Variants in SYNPR observed in about 807,000 individuals in gnomAD.
The protein encoded by SYNPR is synaptoporin.
A neutral mutation model predicts 32.9 loss-of-function variants in SYNPR; 23 were observed. That is an observed-to-expected ratio of 0.70 (90% CI 0.50 to 0.99). The LOEUF (loss-of-function observed/expected upper bound fraction) is 0.99, where lower values mean the gene tolerates loss of function less well. Among genes scored for constraint, SYNPR ranks in the 50% least tolerant of loss-of-function variants. The probability of loss-of-function intolerance (pLI) is 0.00; values close to 1 mark genes in which losing one functional copy is unlikely to be tolerated. For synonymous variants in SYNPR, 146 were observed against 135.9 expected (o/e 1.07, Z -0.52); for missense variants, 318 against 349.3 (o/e 0.91, Z 0.71).
intron 2 of SYNPR, among the ~76,000 whole-genome samples, chr3:63,323,943 C>T (rs1404337179): frequency 6.6e-6 from 1 of 151,972 alleles, no homozygotes; most frequent in East Asian, 1.9e-4. Flanking sequence ...AATAACTTGC[C>T]CAACTTGCAC....
chr3:63,596,617 G>A (rs1699963734), intron 4 of SYNPR, among the ~76,000 whole-genome samples: 1 of 152,092 alleles, frequency 6.6e-6, no homozygotes, highest in African/African-American at 2.4e-5. Flanking sequence ...TTTCAGACCA[G>A]ACCACTGAGG....
At position 63,571,078 on chromosome 3, in the gene SYNPR, A is replaced by G. The variant is rs550730430; in HGVS notation, c.408+14337A>G. 1.6e-4 allele frequency among the ~76,000 whole-genome samples: 25 copies of G among 152,276 alleles called. 1 individual carries two copies. The South Asian group carries it at 5.2e-3, about 32-fold the overall frequency. On this transcript the variant is annotated intron_variant, in intron 4 of 5. Coordinates refer to ENST00000478300, the MANE Select transcript of SYNPR (RefSeq NM_001130003.2). Reference sequence around the variant, plus strand: ...TAACATCAGGGTTTTGAAAATCACAATAAGCATCAATGTTATCAAGACCAC... The same window carrying G: ...TAACATCAGGGTTTTGAAAATCACAGTAAGCATCAATGTTATCAAGACCAC...
At chr3:63,559,035 G>T (rs1048259981) in intron 4 of SYNPR, among the ~76,000 whole-genome samples, 1 of 149,342 alleles carries the variant, frequency 6.7e-6, no homozygotes. Context: ...TTTAAAAATT[G>T]ATACAATAAT....
At chr3:63,510,583 T>C (rs1701677462) in intron 3 of SYNPR, among the ~76,000 whole-genome samples, 1 of 152,158 alleles carries the variant, frequency 6.6e-6, no homozygotes, top group South Asian at 2.1e-4. Context: ...CATGAGGCCA[T>C]AAAGGTTAAA....
In SYNPR at chr3:63,402,029, CCCTGCTGT is replaced by C. The variant is rs1390887735; in HGVS notation, c.85-78802_85-78795del. ...CATTTCTCTCTCAAGACAAATAGGCCCCTGCTGTTCATCCTTAATTTCATATACTCAAG... is the reference window on the plus strand; with the variant it reads ...CATTTCTCTCTCAAGACAAATAGGCCTCATCCTTAATTTCATATACTCAAG... On this transcript the variant is annotated intron_variant, in intron 2 of 5. Transcript: ENST00000478300. 2.3e-3 allele frequency among the ~76,000 whole-genome samples: 345 copies of C among 152,214 alleles called. 1 individual carries two copies. Among genetic ancestry groups the C allele is most frequent in the African/African-American group, 8.1e-3 (337 of 41,532 alleles).
chr3:63,290,890 G>T, intron 2 of SYNPR, among the ~76,000 whole-genome samples: 1 of 152,136 alleles, frequency 6.6e-6, no homozygotes, highest in Non-Finnish European at 1.5e-5. Context: ...GGCCTTTTAT[G>T]CACTGGCTTC....
At chr3:63,224,075 G>C (rs138018259), upstream of SYNPR, among the ~76,000 whole-genome samples, 1 of 152,298 alleles carries the variant, frequency 6.6e-6, no homozygotes, top group African/African-American at 2.4e-5. Flanking sequence ...AAAATGGAAA[G>C]AAATGAGAAT....
At chr3:63,524,848 T>TGTGC (rs1553643514) in intron 3 of SYNPR, among the ~76,000 whole-genome samples, 8 of 120,676 alleles carry the variant, frequency 6.6e-5, no homozygotes, top group African/African-American at 2.4e-4. Context: ...TGTGTGTGTG[T>TGTGC]GTGCATGTGT....
At chr3:63,300,812 C>T (rs1017820207) in intron 2 of SYNPR, among the ~76,000 whole-genome samples, 1 of 152,090 alleles carries the variant, frequency 6.6e-6, no homozygotes, top group African/African-American at 2.4e-5. Context: ...TTCCCCTGCT[C>T]TATCCTTCTT....
chr3:63,430,599 G>A (rs1021423482), intron 2 of SYNPR, among the ~76,000 whole-genome samples: 1 of 152,108 alleles, frequency 6.6e-6, no homozygotes, highest in African/African-American at 2.4e-5. Flanking sequence ...GTTTTGCTGA[G>A]GATTTATTGT....
chr3:63,326,794 T>A (rs993211197), intron 2 of SYNPR, among the ~76,000 whole-genome samples: 1 of 152,182 alleles, frequency 6.6e-6, no homozygotes, highest in Non-Finnish European at 1.5e-5. Flanking sequence ...AAGTTCCTGG[T>A]AAGAATCAGA....
At chr3:63,510,990 C>T (rs1332970585) in intron 3 of SYNPR, among the ~76,000 whole-genome samples, 1 of 147,786 alleles carries the variant, frequency 6.8e-6, no homozygotes, top group African/African-American at 2.5e-5. Flanking sequence ...TCTCCTGCAT[C>T]TGATTATGTG....
At chr3:63,207,165 GA>G in the SYNPR span, among the ~76,000 whole-genome samples, 1 of 152,204 alleles carries the variant, frequency 6.6e-6, no homozygotes, top group Non-Finnish European at 1.5e-5. Context: ...TAAAAGTGCA[GA>G]ATTTAATGGG....
chr3:63,260,240 C>G (rs970142189), intron 2 of SYNPR, among the ~76,000 whole-genome samples: 1 of 152,068 alleles, frequency 6.6e-6, no homozygotes, highest in Non-Finnish European at 1.5e-5. Context: ...CATATGGAAC[C>G]AAAAACGAGC....
rs529366667 is a variant in SYNPR at position 63,527,625 on chromosome 3, C to T, written c.210-28918C>T. On this transcript the variant is annotated intron_variant, in intron 3 of 5. Transcript: ENST00000478300. ...CAAGAGTCCAGGCCAAGCAAAAAGG[C>T]GCTTTCCCTCTTCATCTATTTCAAG... 6.6e-5 allele frequency among the ~76,000 whole-genome samples: 10 copies of T among 152,252 alleles called. No homozygotes were observed. In the East Asian group the frequency reaches 9.7e-4, roughly 15 times the overall value.
At chr3:63,444,607 G>A (rs1038459224) in intron 2 of SYNPR, among the ~76,000 whole-genome samples, 1 of 152,108 alleles carries the variant, frequency 6.6e-6, no homozygotes, top group Admixed American at 6.6e-5. Context: ...TGCAGGCCTA[G>A]GGCTCGTAGG....
intron 2 of SYNPR, among the ~76,000 whole-genome samples, chr3:63,349,512 G>A (rs1433443144): frequency 6.6e-6 from 1 of 151,904 alleles, no homozygotes; most frequent in Non-Finnish European, 1.5e-5. Context: ...TTCTTTGTAG[G>A]GATCTTTCAC....
intron 4 of SYNPR, among the ~76,000 whole-genome samples, chr3:63,586,202 A>G (rs1299318476): frequency 6.6e-6 from 1 of 152,024 alleles, no homozygotes; most frequent in African/African-American, 2.4e-5. Context: ...TCAATTCTAG[A>G]AAGGCATAAG....
chr3:63,258,508 G>A (rs1450203841), intron 2 of SYNPR, among the ~76,000 whole-genome samples: 2 of 152,168 alleles, frequency 1.3e-5, no homozygotes, highest in African/African-American at 4.8e-5. Flanking sequence ...AAATAAAGAT[G>A]TTCTTTGAAA....
Sources: allele counts gnomAD v4.1 joint callset (sites outside exome capture counted in the v4.1 genomes callset), GRCh38; gene constraint gnomAD v4.1.1; transcripts MANE v1.5; gene names NCBI Gene and HGNC (gene_info 2026-07-23, HGNC 2026-07-21).